ZFR2: variants seen among roughly 807,000 people sequenced by gnomAD.
ZFR2 encodes zinc finger RNA-binding protein 2.
In ZFR2, 104 loss-of-function variants were observed where a neutral mutation model predicts 105.7. The observed-to-expected ratio is 0.98, with a 90% CI of 0.84 to 1.16. The LOEUF (loss-of-function observed/expected upper bound fraction) is 1.16. Ranked by LOEUF, ZFR2 falls within the 50% of genes most tolerant of loss-of-function variation. The pLI is 0.00. For missense variants in ZFR2, 1,425 were observed against 1,355.5 expected, an observed-to-expected ratio of 1.05 and a Z score of -0.80; for synonymous variants, 634 against 597.7, an observed-to-expected ratio of 1.06 and a Z score of -0.89.
At chr19:3,821,960 C>A (rs182301186) in intron 9 of ZFR2, 121 bp downstream of exon 9, 8 of 1,396,296 alleles carry the variant, frequency 5.7e-6, no homozygotes, top group South Asian at 2.9e-5. Context: ...CAGAAAATCA[C>A]CCCTCCCTCT....
rs751066608 is a variant in ZFR2 at position 3,831,475 on chromosome 19, G to A, written c.680C>T (p.Pro227Leu). 16 of 1,547,226 alleles carry A rather than the reference G, an allele frequency of 1.0e-5. No individual in the cohort carries two copies. The highest frequency in any genetic ancestry group is 1.7e-4 in the Middle Eastern group (1 of 5,732). ...FYPPAQPPPP[P>L]GPPQQLPPPP... ...CGGGGGCAGCTGCTGCGGGGGTCCC[G>A]GGGGAGGCGGGGGCTGCGCTGGAGG... The change falls in exon 5 of 19, where the codon CCG becomes CTG. Residue 227 changes from proline (P) to leucine (L), a missense_variant. Pro to Leu is a moderately conservative substitution (Grantham distance 98). Transcript: ENST00000262961.
At chr19:3,817,568 A>ATAG (rs928978142) in intron 12 of ZFR2, among the ~76,000 whole-genome samples, 1 of 37,162 alleles carries the variant, frequency 2.7e-5, no homozygotes, top group Non-Finnish European at 5.5e-5. Flanking sequence ...CAAAATAATG[A>ATAG]TAATAATAAT....
chr19:3,852,534 C>T (rs1180344711), intron 1 of ZFR2: 1 of 718,652 alleles, frequency 1.4e-6, no homozygotes, highest in Non-Finnish European at 2.6e-6. Context: ...CACAGCGTCA[C>T]TTCCACTGCA....
chr19:3,850,219 C>T (rs1167306771), intron 1 of ZFR2, among the ~76,000 whole-genome samples: 3 of 152,044 alleles, frequency 2.0e-5, no homozygotes, highest in South Asian at 4.1e-4. Context: ...GGAAAAGCCC[C>T]GGGGAAGGGT....
At chr19:3,861,453 C>T (rs1318174170) in intron 1 of ZFR2, among the ~76,000 whole-genome samples, 3 of 150,948 alleles carry the variant, frequency 2.0e-5, no homozygotes, top group East Asian at 1.9e-4. Flanking sequence ...GGCAAAACCC[C>T]GTCTCTACAA....
chr19:3,825,338 G>A lies in ZFR2; in HGVS notation c.1105C>T (p.Pro369Ser), dbSNP rs748659105. The A allele has an allele frequency of 3.1e-6, 5 of 1,588,518 alleles. No homozygotes were observed. In the African/African-American group the frequency reaches 5.4e-5, roughly 17 times the overall value. The change falls in exon 7 of 19, where the codon CCC (proline) becomes TCC (serine). Residue 369 changes from proline to serine, a missense_variant. By Grantham distance (74) the Pro-to-Ser change is moderately conservative. Coordinates refer to ENST00000262961, the MANE Select transcript of ZFR2 (RefSeq NM_015174.2). ...GTGGGCTTGGCCTCTGCCCCGGGGGGGCTCTCTGTGGCCAGTGCAGGCTCG... is the reference window on the plus strand; with the variant it reads ...GTGGGCTTGGCCTCTGCCCCGGGGGAGCTCTCTGTGGCCAGTGCAGGCTCG... ...TLEPALATES[P>S]PGAEAKPTSP...
In ZFR2 at chr19:3,823,101, G is replaced by A; in HGVS notation, c.1371+145C>T. Reference sequence around the variant, plus strand: ...TCAAGCGGGTCTGCACGGGGTTTTGGTCCATGGAGGTCTGGCCTGTGCAGC... The same window carrying A: ...TCAAGCGGGTCTGCACGGGGTTTTGATCCATGGAGGTCTGGCCTGTGCAGC... On this transcript the variant is annotated intron_variant, in intron 8 of 18. Coordinates refer to ENST00000262961, the MANE Select transcript of ZFR2 (RefSeq NM_015174.2). This position sits in a 1 kb window ranked among gnomAD's most constrained non-coding sequence, Gnocchi z 5.4. 2 of 1,166,484 alleles carry A rather than the reference G, an allele frequency of 1.7e-6. No individual in the cohort carries two copies. The highest frequency in any genetic ancestry group is 1.4e-5 in the South Asian group (1 of 70,680). 72.3% of individuals were successfully genotyped at this position (1,166,484 alleles called of 1,614,324 possible).
intron 1 of ZFR2, among the ~76,000 whole-genome samples, chr19:3,860,333 C>A (rs955100666): frequency 5.3e-5 from 8 of 152,030 alleles, no homozygotes; most frequent in South Asian, 2.1e-4. Context: ...GCCACTGCAC[C>A]CGGCCCGAAA....
At chr19:3,815,070 G>C (rs1205176582) in intron 13 of ZFR2, among the ~76,000 whole-genome samples, 1 of 151,994 alleles carries the variant, frequency 6.6e-6, no homozygotes, top group African/African-American at 2.4e-5. Context: ...AACGACTCTG[G>C]GGACTGATTT....
Position 3,825,333 on chromosome 19 carries a change from G to T in ZFR2, c.1110C>A (p.Pro370=). ...LEPALATESP[P]GAEAKPTSPT... is the part of the protein sequence containing the mutation. ...GGGACGTGGGCTTGGCCTCTGCCCC[G>T]GGGGGGCTCTCTGTGGCCAGTGCAG... The change falls in exon 7 of 19, where the codon CCC becomes CCA. Residue 370 remains proline, a synonymous_variant. Transcript: ENST00000262961. The T allele has an allele frequency of 6.3e-7, 1 of 1,586,108 alleles. No individual in the cohort carries two copies. The highest frequency in any genetic ancestry group is 8.5e-7 in the Non-Finnish European group (1 of 1,169,954).
chr19:3,829,938 C>T (rs932433539), intron 5 of ZFR2, among the ~76,000 whole-genome samples: 5 of 152,296 alleles, frequency 3.3e-5, no homozygotes, highest in African/African-American at 1.2e-4. Flanking sequence ...AAGTACTGAC[C>T]CTTTCTGAGC....
At chr19:3,860,556 G>A (rs555349563) in intron 1 of ZFR2, among the ~76,000 whole-genome samples, 1 of 152,292 alleles carries the variant, frequency 6.6e-6, no homozygotes, top group East Asian at 1.9e-4. Flanking sequence ...TGATGGGCTT[G>A]TCCTCTGCCC....
intron 2 of ZFR2, 101 bp from the exon 3 acceptor site, chr19:3,833,879 T>C: frequency 1.1e-6 from 1 of 900,320 alleles, no homozygotes; most frequent in Non-Finnish European, 1.7e-6. Flanking sequence ...CACTTAGTCC[T>C]TCCTGCAGCG....
chr19:3,862,581 A>AGCCAC (rs781288136), intron 1 of ZFR2, among the ~76,000 whole-genome samples: 11 of 152,224 alleles, frequency 7.2e-5, no homozygotes, highest in Non-Finnish European at 5.9e-5. Flanking sequence ...TACAAGTGTG[A>AGCCAC]GCCACCGTGC....
At chr19:3,812,279 T>C (rs1568417415) in intron 14 of ZFR2, among the ~76,000 whole-genome samples, 1 of 152,090 alleles carries the variant, frequency 6.6e-6, no homozygotes, top group African/African-American at 2.4e-5. Context: ...GGGGTCTCAC[T>C]ACCTTGCCCA....
intron 5 of ZFR2, among the ~76,000 whole-genome samples, chr19:3,829,482 T>TTTG (rs900868933): frequency 1.1e-4 from 17 of 149,570 alleles, no homozygotes; most frequent in Admixed American, 2.7e-4. Flanking sequence ...GTGTGTGTGT[T>TTTG]TTGTTGTTGT....
At position 3,864,840 on chromosome 19, in the gene ZFR2, C is replaced by T. The variant is rs769117361; in HGVS notation, c.53+4125G>A. ...TCAGCTCACTGTGACCTCCACCTCC[C>T]GGGTTCAAGCAATTCTCCTGCCTCA... On this transcript the variant is annotated intron_variant, in intron 1 of 18. Coordinates refer to ENST00000262961, the MANE Select transcript of ZFR2 (RefSeq NM_015174.2). Among the ~76,000 whole-genome samples, 8 of 152,080 alleles carry T rather than the reference C, an allele frequency of 5.3e-5. No homozygotes were observed. The East Asian group carries it at 5.8e-4, about 11-fold the overall frequency.
At chr19:3,844,736 T>C (rs2038170578) in intron 1 of ZFR2, among the ~76,000 whole-genome samples, 1 of 152,238 alleles carries the variant, frequency 6.6e-6, no homozygotes, top group Non-Finnish European at 1.5e-5. Flanking sequence ...TGTGGTTTAA[T>C]GGCATCTTGT....
chr19:3,811,161 T>A (rs1466582981), intron 15 of ZFR2, 111 bp downstream of exon 15: 19 of 1,086,606 alleles, frequency 1.7e-5, no homozygotes, highest in Non-Finnish European at 2.4e-5. Context: ...CGTCCCGGTC[T>A]GCGCTGGGAG....
Sources: gnomAD v4.1 joint callset for allele counts (sites outside exome capture counted in the v4.1 genomes callset) on GRCh38, gnomAD v4.1.1 for gene constraint, Gnocchi (gnomAD v3.1) non-coding constraint, MANE v1.5 for transcripts, NCBI Gene and HGNC (gene_info 2026-07-23, HGNC 2026-07-21) for gene names.